SDE2: variants seen among roughly 807,000 people sequenced by gnomAD.
SDE2 encodes the protein splicing regulator SDE2.
SDE2 carries 31 observed loss-of-function variants against 46.9 expected under a neutral mutation model. The ratio of observed to expected loss-of-function variants is 0.66; its 90% CI spans 0.50 to 0.89. The LOEUF is 0.89. SDE2 is among the 40% of genes least tolerant of loss of function. The pLI is 0.00. For synonymous variants in SDE2, 205 were observed against 204.3 expected, an observed-to-expected ratio of 1.00 and a Z score of -0.03; for missense variants, 542 against 564.4, an observed-to-expected ratio of 0.96 and a Z score of 0.40.
rs752367074 is a variant in SDE2, at chr1:225,988,088, T to C, written c.942A>G (p.Thr314=). 80 of 1,614,104 alleles carry C rather than the reference T, an allele frequency of 5.0e-5. No individual in the cohort carries two copies. The highest frequency in any genetic ancestry group is 6.6e-5 in the Non-Finnish European group (78 of 1,180,036). Residue 314 remains threonine, a synonymous_variant, in exon 6 of 7, where the codon ACA becomes ACG. Coordinates refer to ENST00000272091, the MANE Select transcript of SDE2 (RefSeq NM_152608.4). The stretch of plus-strand genomic sequence containing the variant: ...TCTTCTCCTGGGTCTCTTCTGTTTC[T>C]GTAACCATCCTGCTTTCCATGTGCT... The part of the protein sequence containing the change: ...SKEHMESRMV[T]ETEETQEKKA...
chr1:225,992,473 G>C lies in SDE2; in HGVS notation c.445C>G (p.His149Asp). Residue 149 changes from histidine to aspartate, a missense_variant, in exon 4 of 7, where the codon CAC becomes GAC. By Grantham distance (81) the His-to-Asp change is moderately conservative. Around this residue, in one of 3 missense-constraint regions of SDE2, gnomAD observed 401 missense variants for 437.8 expected, o/e 0.92. Transcript: ENST00000272091. ...RLQRKLVEPKHCFTSPDYQQQ... is the reference protein window; with the variant it reads ...RLQRKLVEPKDCFTSPDYQQQ... ...TGGTAGTCGGGGCTGGTGAAGCAGT[G>C]CTTGGGTTCTACAAGCTTCCGCTGC... 2 of 1,613,362 alleles carry C rather than the reference G, an allele frequency of 1.2e-6. No individual in the cohort carries two copies. Among genetic ancestry groups the C allele is most frequent in the Non-Finnish European group, 1.7e-6 (2 of 1,179,670 alleles).
Position 225,991,371 on chromosome 1 carries a change from G to A in SDE2, c.521-8C>T. On this transcript the variant is annotated splice_polypyrimidine_tract_variant and splice_region_variant and intron_variant, in intron 4 of 6. Transcript: ENST00000272091. Reference sequence around the variant, plus strand: ...TGGAGGCAGCCTGCATACCTAACCAGAAATTTTAACAACTCAGTTTCTACT... The same window carrying A: ...TGGAGGCAGCCTGCATACCTAACCAAAAATTTTAACAACTCAGTTTCTACT... 1 of 1,610,494 alleles carries A rather than the reference G, an allele frequency of 6.2e-7. No individual in the cohort carries two copies. The highest frequency in any genetic ancestry group is 8.5e-7 in the Non-Finnish European group (1 of 1,177,420).
chr1:225,997,198 T>A (rs1223276560), intron 1 of SDE2, among the ~76,000 whole-genome samples: 2 of 152,182 alleles, frequency 1.3e-5, no homozygotes, highest in Non-Finnish European at 2.9e-5. Context: ...GCTGGCTTTA[T>A]CTGTGTCTGT....
intron 3 of SDE2, 37 bp downstream of exon 3, chr1:225,992,852 GTC>G (rs538466526): frequency 2.9e-5 from 33 of 1,152,558 alleles, no homozygotes; most frequent in Non-Finnish European, 4.3e-5. Context: ...GAAAGTATAT[GTC>G]TCTCCTCAAA....
Position 225,995,279 on chromosome 1 carries a change from G to A in SDE2, c.225C>T (p.Cys75=), listed in dbSNP as rs868094084. 3.9e-5 allele frequency: 62 copies of A among 1,589,960 alleles called. No homozygotes were observed. Among genetic ancestry groups the A allele is most frequent in the Non-Finnish European group, 4.7e-5 (54 of 1,159,218 alleles). The change falls in exon 2 of 7, where the codon TGC becomes TGT. Residue 75 remains cysteine, a synonymous_variant. Coordinates refer to ENST00000272091, the MANE Select transcript of SDE2 (RefSeq NM_152608.4). Reference sequence around the variant, plus strand: ...TTCAGGTCCTACCTCCTTTTCCACCGCAAAGTCTGGGTTCCAAACTATAAA... The same window carrying A: ...TTCAGGTCCTACCTCCTTTTCCACCACAAAGTCTGGGTTCCAAACTATAAA... ...GAVYSLEPRL[C]GGKGGFGSML... is the part of the protein sequence containing the mutation.
rs746282071 is a variant in SDE2, at chr1:225,987,899, G to A, written c.1131C>T (p.Asn377=). The A allele has an allele frequency of 5.0e-6, 8 of 1,610,716 alleles. No individual in the cohort carries two copies. In the East Asian group the frequency reaches 6.7e-5, roughly 13 times the overall value. The change falls in exon 6 of 7, where the codon AAC becomes AAT. Residue 377 remains asparagine, a synonymous_variant. Transcript: ENST00000272091. ...ATCAACCCCAAAACATACTTACTGC[G>A]TTTCCTGGCTGGCTTTCCTGCAGTT... is the stretch of plus-strand genomic sequence containing the variant. ...VAKLQESQPG[N]AVIDKETIDL...
chr1:225,986,780 G>A (rs1656279362), intron 6 of SDE2, among the ~76,000 whole-genome samples: 3 of 152,292 alleles, frequency 2.0e-5, no homozygotes, highest in South Asian at 2.1e-4. Context: ...TTCAGAGATT[G>A]TAAGGACCTT....
Position 225,988,277 on chromosome 1 carries a change from A to G in SDE2, c.753T>C (p.Ile251=). The G allele has an allele frequency of 6.2e-7, 1 of 1,614,088 alleles. No individual in the cohort carries two copies. Among genetic ancestry groups the G allele is most frequent in the Non-Finnish European group, 8.5e-7 (1 of 1,180,026 alleles). Residue 251 remains isoleucine, a synonymous_variant, in exon 6 of 7, where the codon ATT becomes ATC. Coordinates refer to ENST00000272091, the MANE Select transcript of SDE2 (RefSeq NM_152608.4). ...TSGMGFHAPK[I]GSNGVEMAAK... Reference sequence around the variant, plus strand: ...CTGCCATCTCGACACCATTGCTACCAATTTTTGGAGCATGGAAACCCATTC... The same window carrying G: ...CTGCCATCTCGACACCATTGCTACCGATTTTTGGAGCATGGAAACCCATTC...
intron 1 of SDE2, among the ~76,000 whole-genome samples, chr1:225,996,449 C>T (rs774794881): frequency 2.6e-5 from 4 of 151,998 alleles, no homozygotes; most frequent in Non-Finnish European, 5.9e-5. Context: ...AACAGAATGG[C>T]TTATTAAACA....
chr1:225,988,128 A>C lies in SDE2; in HGVS notation c.902T>G (p.Leu301Arg). 6.2e-7 allele frequency: 1 copy of C among 1,614,070 alleles called. No homozygotes were observed. Among genetic ancestry groups the C allele is most frequent in the African/African-American group, 1.3e-5 (1 of 74,982 alleles). Residue 301 changes from leucine (L) to arginine (R), a missense_variant, in exon 6 of 7, where the codon CTG (leucine) becomes CGG (arginine). Physicochemically the swap from Leu to Arg is moderately radical, Grantham distance 102 (BLOSUM62 -2). Transcript: ENST00000272091. ...TTCCATGTGCTCTTTGGACTCCCCC[A>C]GCTCAGCACATGAGTCTTCTAAAAT... ...RHILEDSCAE[L>R]GESKEHMESR...
chr1:225,985,127 C>T lies in SDE2; in HGVS notation c.*175G>A, dbSNP rs1004163131. ...AAACCAGACAAAGAAAATTTAAGGCCCAGATGGTTTCAGACATTAATTCTA... is the reference window on the plus strand; with the variant it reads ...AAACCAGACAAAGAAAATTTAAGGCTCAGATGGTTTCAGACATTAATTCTA... On this transcript the variant is annotated 3_prime_UTR_variant, in exon 7 of 7. Transcript: ENST00000272091. 12 of 600,708 alleles carry T rather than the reference C, an allele frequency of 2.0e-5. No individual in the cohort carries two copies. Among genetic ancestry groups the T allele is most frequent in the Non-Finnish European group, 3.5e-5 (12 of 340,034 alleles). 37.2% of individuals were successfully genotyped at this position (600,708 alleles called of 1,614,324 possible).
At chr1:225,995,566 T>A (rs1299862867) in intron 1 of SDE2, among the ~76,000 whole-genome samples, 183 bp from the exon 2 acceptor site, 1 of 152,226 alleles carries the variant, frequency 6.6e-6, no homozygotes. Flanking sequence ...ATTTTGGGTA[T>A]AATTTTTTCC....
Position 225,999,180 on chromosome 1 carries a change from C to T in SDE2, c.120+13G>A, listed in dbSNP as rs372463604. The T allele has an allele frequency of 1.2e-6, 2 of 1,607,410 alleles. No individual in the cohort carries two copies. Among genetic ancestry groups the T allele is most frequent in the Non-Finnish European group, 8.5e-7 (1 of 1,175,048 alleles). On this transcript the variant is annotated intron_variant, in intron 1 of 6. Transcript: ENST00000272091. ...GCCTCTTTCTCCTTCCTAACAGGAA[C>T]CGAAATCCTCACCTGATCTTGGCAG...
At chr1:225,998,810 G>A (rs961229000) in intron 1 of SDE2, among the ~76,000 whole-genome samples, 1 of 152,190 alleles carries the variant, frequency 6.6e-6, no homozygotes, top group African/African-American at 2.4e-5. Context: ...GCTGTGTGAT[G>A]AGTGGACAAA....
At position 225,989,317 on chromosome 1, in the gene SDE2, A is replaced by G. The variant is rs547628443; in HGVS notation, c.642-929T>C. Among the ~76,000 whole-genome samples the G allele has an allele frequency of 4.1e-5, 6 of 146,334 alleles. No individual in the cohort carries two copies. In the East Asian group the frequency reaches 1.2e-3, roughly 30 times the overall value. ...TCAAAAAAAAAAAAAAAATAATAAT[A>G]ATAATAATAAATAGTTATAAAGAAA... On this transcript the variant is annotated intron_variant, in intron 5 of 6. Coordinates refer to ENST00000272091, the MANE Select transcript of SDE2 (RefSeq NM_152608.4).
rs1656162546 is a variant in SDE2, at chr1:225,982,912, T to G, written c.*2390A>C. On this transcript the variant is annotated 3_prime_UTR_variant, in exon 7 of 7. Transcript: ENST00000272091. ...TCTACATTTTATGTGAAGTGGCACATCAACTCTAGGTAGACTGAAAAATTA... is the reference window on the plus strand; with the variant it reads ...TCTACATTTTATGTGAAGTGGCACAGCAACTCTAGGTAGACTGAAAAATTA... 1.3e-5 allele frequency: 2 copies of G among 152,130 alleles called. No individual in the cohort carries two copies. Among genetic ancestry groups the G allele is most frequent in the South Asian group, 2.1e-4 (1 of 4,830 alleles). The allele number at this position is 152,130 out of a possible 1,614,324, so 9.4% of individuals were successfully genotyped here.
At position 225,999,271 on chromosome 1, in the gene SDE2, G is replaced by GCCAGGGCCGCGAATCCACA. The variant is rs1196372804; in HGVS notation, c.23_41dup (p.Phe15ValfsTer49). 1.2e-6 allele frequency: 2 copies of GCCAGGGCCGCGAATCCACA among 1,612,680 alleles called. No homozygotes were observed. Among genetic ancestry groups the GCCAGGGCCGCGAATCCACA allele is most frequent in the Non-Finnish European group, 1.7e-6 (2 of 1,179,626 alleles). ...CACACCGCACCGCCTTGCACCCGAAGCCAGGGCCGCGAATCCACACCAGCG... is the reference window on the plus strand; with the variant it reads ...CACACCGCACCGCCTTGCACCCGAAGCCAGGGCCGCGAATCCACACCAGGGCCGCGAATCCACACCAGCG... On this transcript the variant is annotated frameshift_variant, in exon 1 of 7. Coordinates refer to ENST00000272091, the MANE Select transcript of SDE2 (RefSeq NM_152608.4). LOFTEE classifies it high-confidence loss of function.
chr1:225,993,086 C>T (rs547158361), intron 2 of SDE2, 84 bp from the exon 3 acceptor site: 2 of 564,606 alleles, frequency 3.5e-6, no homozygotes, highest in Admixed American at 6.6e-5. Flanking sequence ...ATCTGTATCA[C>T]AAGATTAACA....
At chr1:225,992,685 G>A (rs1250250112) in intron 3 of SDE2, 118 bp from the exon 4 acceptor site, 1 of 736,050 alleles carries the variant, frequency 1.4e-6, no homozygotes, top group Non-Finnish European at 2.2e-6. Flanking sequence ...CTCTTAGAAA[G>A]GTGAGCCATG....
Sources: gnomAD v4.1 joint callset for allele counts (sites outside exome capture counted in the v4.1 genomes callset) on GRCh38, gnomAD v4.1.1 for gene constraint, gnomAD v4.1.1 regional missense constraint, MANE v1.5 for transcripts, NCBI Gene and HGNC (gene_info 2026-07-23, HGNC 2026-07-21) for gene names.